Variants in CORIN observed in about 807,000 individuals in gnomAD.
CORIN encodes corin, serine peptidase, also known as atrial natriuretic peptide-converting enzyme.
A neutral mutation model predicts 125.3 loss-of-function variants in CORIN; 117 were observed. The ratio of observed to expected loss-of-function variants is 0.93; its 90% CI spans 0.80 to 1.09. The LOEUF (loss-of-function observed/expected upper bound fraction) is 1.09, where lower values mean the gene tolerates loss of function less well. Ranked by LOEUF, CORIN falls within the 50% of genes least tolerant of loss-of-function variation. CORIN has a pLI of 0.00. For synonymous variants in CORIN, 450 were observed against 466.4 expected, an observed-to-expected ratio of 0.96 and a Z score of 0.45; for missense variants, 1,253 against 1,306.7, an observed-to-expected ratio of 0.96 and a Z score of 0.63.
chr4:47,619,250 A>C lies in CORIN; in HGVS notation c.2540+4321T>G, dbSNP rs545829822. Reference sequence around the variant, plus strand: ...AAATTTTCATTTGGGATTTTTATCTACCTCTTCATAGCAGAGCAAAACAAA... The same window carrying C: ...AAATTTTCATTTGGGATTTTTATCTCCCTCTTCATAGCAGAGCAAAACAAA... On this transcript the variant is annotated intron_variant, in intron 19 of 21. Coordinates refer to ENST00000273857, the MANE Select transcript of CORIN (RefSeq NM_006587.4). Among the ~76,000 whole-genome samples the C allele has an allele frequency of 4.5e-4, 68 of 152,272 alleles. 1 individual carries two copies. The highest frequency in any genetic ancestry group is 6.6e-4 in the Non-Finnish European group (45 of 68,010).
chr4:47,679,469 G>C (rs547902680), intron 8 of CORIN: 3 of 151,958 alleles, frequency 2.0e-5, no homozygotes, highest in South Asian at 2.1e-4. Flanking sequence ...GTTCATGCCA[G>C]TCTCCTGCCT....
chr4:47,733,497 G>C (rs982615303), intron 5 of CORIN, among the ~76,000 whole-genome samples: 6 of 152,206 alleles, frequency 3.9e-5, no homozygotes, highest in African/African-American at 1.4e-4. Context: ...GAGCTAGGCA[G>C]AGCAAATAAG....
rs1721211999 is a variant in CORIN at position 47,595,381 on chromosome 4, A to G, written c.*340T>C. 5.8e-6 allele frequency: 1 copy of G among 171,226 alleles called. No individual in the cohort carries two copies. The highest frequency in any genetic ancestry group is 1.2e-5 in the Non-Finnish European group (1 of 80,594). The allele number at this position is 171,226 out of a possible 1,614,324, so 10.6% of individuals were successfully genotyped here. A position where few individuals can be genotyped will look rare whatever the true frequency, so the allele number is the denominator to read the frequency against. On this transcript the variant is annotated 3_prime_UTR_variant, in exon 22 of 22. Coordinates refer to ENST00000273857, the MANE Select transcript of CORIN (RefSeq NM_006587.4). ...ATGTCTTTTTTTGTGATAGGATAAA[A>G]GAGACCATTCCATAACCTGTTACTG...
chr4:47,812,544 G>A (rs1230951169), intron 1 of CORIN, among the ~76,000 whole-genome samples: 1 of 152,056 alleles, frequency 6.6e-6, no homozygotes, highest in Non-Finnish European at 1.5e-5. Flanking sequence ...ACTACATTAG[G>A]AGAAAGGAAA....
rs767449164 is a variant in CORIN at position 47,806,901 on chromosome 4, A to G, written c.208+2T>C. ...TTTTTATTTAATAATGGCCTCACCC[A>G]CCAACATAGGAAAGCAGGATCACCA... is the stretch of plus-strand genomic sequence containing the variant. On this transcript the variant is annotated splice_donor_variant, in intron 2 of 21. Coordinates refer to ENST00000273857, the MANE Select transcript of CORIN (RefSeq NM_006587.4). LOFTEE classifies it high-confidence loss of function. The G allele has an allele frequency of 3.1e-6, 5 of 1,610,824 alleles. No homozygotes were observed. The Admixed American group carries it at 6.7e-5, about 22-fold the overall frequency.
intron 5 of CORIN, among the ~76,000 whole-genome samples, chr4:47,694,300 T>C (rs777640523): frequency 6.6e-6 from 1 of 152,216 alleles, no homozygotes; most frequent in Non-Finnish European, 1.5e-5. Context: ...TTTTACTGTA[T>C]TGTATTCTGC....
chr4:47,758,530 T>TA (rs1195192522), intron 4 of CORIN, among the ~76,000 whole-genome samples: 1 of 152,004 alleles, frequency 6.6e-6, no homozygotes, highest in Non-Finnish European at 1.5e-5. Flanking sequence ...CCAAGCCTAT[T>TA]AAAAAAACAA....
chr4:47,765,312 C>CCCA (rs1729677877), intron 3 of CORIN, among the ~76,000 whole-genome samples: 1 of 144,022 alleles, frequency 6.9e-6, no homozygotes, highest in Non-Finnish European at 1.5e-5. Flanking sequence ...CTCCGTCCCC[C>CCCA]AAAAAAAAAA....
At chr4:47,750,537 A>G (rs4473628) in intron 4 of CORIN, among the ~76,000 whole-genome samples, 48,170 of 152,080 alleles carry the variant, frequency 0.32, 7,721 homozygotes, top group Non-Finnish European at 0.35. Context: ...CCAACAAGGC[A>G]TAGTACAGTA....
At chr4:47,728,160 G>A (rs1241129752) in intron 5 of CORIN, among the ~76,000 whole-genome samples, 1 of 152,126 alleles carries the variant, frequency 6.6e-6, no homozygotes, top group African/African-American at 2.4e-5. Flanking sequence ...AATTTCAAAA[G>A]AGATTCATAG....
At chr4:47,698,177 A>T (rs1252096373) in intron 5 of CORIN, among the ~76,000 whole-genome samples, 3 of 152,036 alleles carry the variant, frequency 2.0e-5, no homozygotes, top group African/African-American at 7.2e-5. Flanking sequence ...TAAAATTCTT[A>T]TATAACACAC....
chr4:47,754,505 T>C (rs1729048698), intron 4 of CORIN, among the ~76,000 whole-genome samples: 1 of 152,104 alleles, frequency 6.6e-6, no homozygotes, highest in Non-Finnish European at 1.5e-5. Flanking sequence ...AATATGAAAG[T>C]ATTTAATTCC....
At chr4:47,606,318 T>TGATA (rs1164607937) in intron 19 of CORIN, among the ~76,000 whole-genome samples, 1 of 152,156 alleles carries the variant, frequency 6.6e-6, no homozygotes. Context: ...AGTGGCATGA[T>TGATA]GATAGCTCAC....
Position 47,760,561 on chromosome 4 carries a change from G to C in CORIN, c.617+2818C>G, listed in dbSNP as rs541102825. 1.1e-4 allele frequency among the ~76,000 whole-genome samples: 17 copies of C among 152,316 alleles called. 1 individual carries two copies. Among genetic ancestry groups the C allele is most frequent in the African/African-American group, 3.4e-4 (14 of 41,572 alleles). On this transcript the variant is annotated intron_variant, in intron 4 of 21. Transcript: ENST00000273857. ...CAGGCTTTTCTGTTACACTTATAGAGTATGAGTAGAGTAGATTTAGCATAC... is the reference window on the plus strand; with the variant it reads ...CAGGCTTTTCTGTTACACTTATAGACTATGAGTAGAGTAGATTTAGCATAC...
chr4:47,612,995 G>C (rs1279254998), intron 19 of CORIN, among the ~76,000 whole-genome samples: 2 of 152,202 alleles, frequency 1.3e-5, no homozygotes, highest in Non-Finnish European at 2.9e-5. Flanking sequence ...GTTTCAGAAT[G>C]TTTCAGGGGG....
At chr4:47,695,031 T>A (rs919046285) in intron 5 of CORIN, among the ~76,000 whole-genome samples, 2 of 152,180 alleles carry the variant, frequency 1.3e-5, no homozygotes, top group Non-Finnish European at 2.9e-5. Context: ...AATTTCAGTA[T>A]CAATACAAAT....
Position 47,719,610 on chromosome 4 carries a change from T to A in CORIN, c.799+24792A>T, listed in dbSNP as rs532466485. The stretch of plus-strand genomic sequence containing the variant: ...CATGTGTTTTGTTACAATGTTCAAA[T>A]GTTAGTCCTCTGGCTGTTGAGTTTC... On this transcript the variant is annotated intron_variant, in intron 5 of 21. Transcript: ENST00000273857. Among the ~76,000 whole-genome samples, 3 of 152,322 alleles carry A rather than the reference T, an allele frequency of 2.0e-5. No homozygotes were observed. In the East Asian group the frequency reaches 5.8e-4, roughly 29 times the overall value.
chr4:47,776,177 G>A (rs1730290061), intron 3 of CORIN, among the ~76,000 whole-genome samples: 1 of 151,262 alleles, frequency 6.6e-6, no homozygotes, highest in Non-Finnish European at 1.5e-5. Flanking sequence ...TCCTCACCAT[G>A]CCCAGCTATT....
At chr4:47,740,196 T>C (rs1195743745) in intron 5 of CORIN, among the ~76,000 whole-genome samples, 1 of 151,960 alleles carries the variant, frequency 6.6e-6, no homozygotes, top group African/African-American at 2.4e-5. Flanking sequence ...GAAACACAAA[T>C]AGGTTGTAAG....
Sources: gnomAD v4.1 joint callset for allele counts (sites outside exome capture counted in the v4.1 genomes callset) on GRCh38, gnomAD v4.1.1 for gene constraint, MANE v1.5 for transcripts, NCBI Gene and HGNC (gene_info 2026-07-23, HGNC 2026-07-21) for gene names.